Variants in ZNF454 observed in about 807,000 individuals in gnomAD.
The protein encoded by ZNF454 is zinc finger protein 454.
ZNF454 carries 30 observed loss-of-function variants against 48.2 expected under a neutral mutation model. That is an observed-to-expected ratio of 0.62 (90% CI 0.47 to 0.84). The LOEUF (loss-of-function observed/expected upper bound fraction) is 0.84. Among genes scored for constraint, ZNF454 ranks in the 40% least tolerant of loss-of-function variants. The pLI is 0.00. For missense variants in ZNF454, 510 were observed against 623.1 expected (o/e 0.82, Z 1.93); for synonymous variants, 204 against 211.4 (o/e 0.97, Z 0.30).
intron 4 of ZNF454, among the ~76,000 whole-genome samples, chr5:178,956,506 G>A (rs1581870999): frequency 8.9e-6 from 1 of 112,514 alleles, no homozygotes; most frequent in African/African-American, 3.3e-5. Context: ...ACTTTGTTTT[G>A]CTCTCCTGAA....
downstream of ZNF454, chr5:178,968,871 C>T (rs1561710821): frequency 4.4e-6 from 2 of 456,632 alleles, no homozygotes; most frequent in African/African-American, 4.0e-5. Flanking sequence ...GAGTCTCATT[C>T]ACCTCAGCCG....
At chr5:178,952,520 C>T (rs79834071) in intron 4 of ZNF454, among the ~76,000 whole-genome samples, 2,986 of 152,194 alleles carry the variant, frequency 0.02, 110 homozygotes, top group African/African-American at 0.068. Flanking sequence ...TATAGCCTAC[C>T]GTGTCTCTTT....
At chr5:178,961,983 A>ATGC (rs1353227330) in intron 4 of ZNF454, among the ~76,000 whole-genome samples, 2 of 151,372 alleles carry the variant, frequency 1.3e-5, no homozygotes, top group African/African-American at 4.8e-5. Context: ...ATTGCTTTTC[A>ATGC]TGCCTTCTTA....
At chr5:178,978,379 A>G in the ZNF454 span, 1 of 152,242 alleles carries the variant, frequency 6.6e-6, no homozygotes, top group African/African-American at 2.4e-5. Flanking sequence ...AAAGTCAGTT[A>G]CCTGGACTCT....
rs779975905 is a variant in ZNF454, at chr5:178,965,940, T to C, written c.1536T>C (p.Ile512=). 1.4e-5 allele frequency: 23 copies of C among 1,598,326 alleles called. No homozygotes were observed. The highest frequency in any genetic ancestry group is 3.4e-4 in the Middle Eastern group (2 of 5,942). ...CTTTTAACCAGACTGCAAACCTCAT[T>C]CAGCATCAGAGACATCATATTGGAG... The part of the protein sequence containing the change: ...GKAFNQTANL[I]QHQRHHIGEK Residue 512 remains isoleucine, a synonymous_variant, in exon 5 of 5, where the codon ATT becomes ATC. Transcript: ENST00000519564. This position sits in a 1 kb window ranked among gnomAD's most constrained non-coding sequence, Gnocchi z 5.2.
chr5:178,973,759 C>G, the ZNF454 span, among the ~76,000 whole-genome samples: 1 of 149,422 alleles, frequency 6.7e-6, no homozygotes, highest in South Asian at 2.1e-4. Context: ...AGGAGAATGG[C>G]CTGAACCCAG....
chr5:178,962,601 T>C (rs182811446), intron 4 of ZNF454, among the ~76,000 whole-genome samples: 2 of 151,968 alleles, frequency 1.3e-5, no homozygotes, highest in African/African-American at 4.8e-5. Context: ...TTCTTTGTTG[T>C]AATTCTCATT....
At chr5:178,954,263 G>A (rs757667737) in intron 4 of ZNF454, among the ~76,000 whole-genome samples, 4 of 151,932 alleles carry the variant, frequency 2.6e-5, no homozygotes, top group South Asian at 2.1e-4. Flanking sequence ...CAACAGCTGG[G>A]CAACAGAGTG....
Position 178,965,797 on chromosome 5 carries a change from GA to G in ZNF454, c.1398del (p.Lys466AsnfsTer18). On this transcript the variant is annotated frameshift_variant, in exon 5 of 5. Transcript: ENST00000519564. LOFTEE classifies it high-confidence loss of function. This position sits in a 1 kb window ranked among gnomAD's most constrained non-coding sequence, Gnocchi z 5.2. ...CCAACATAAGAGAATTCATACTAGG[GA>G]AAAACCTTACAAATGTAAAATCTGT... ...LTQHKRIHTR[E>X]KPYKCKICEK... is the part of the protein sequence containing the mutation. 6.2e-7 allele frequency: 1 copy of G among 1,614,080 alleles called. No individual in the cohort carries two copies. The highest frequency in any genetic ancestry group is 1.3e-5 in the African/African-American group (1 of 75,020).
the ZNF454 span, chr5:178,989,051 T>G: frequency 2.5e-6 from 4 of 1,613,970 alleles, no homozygotes; most frequent in South Asian, 4.4e-5. Context: ...GTGGAGGGCG[T>G]GGGCAATGGC....
chr5:178,987,243 C>T, the ZNF454 span: 31 of 634,258 alleles, frequency 4.9e-5, no homozygotes, highest in Admixed American at 1.5e-4. Context: ...AGGCTGCAGC[C>T]GCTGCAGAAA....
the ZNF454 span, chr5:178,983,332 G>GCATCCCCTCCATA: frequency 1.1e-6 from 1 of 933,508 alleles, no homozygotes; most frequent in Non-Finnish European, 1.7e-6. Flanking sequence ...GGCCTATGGA[G>GCATCCCCTCCATA]GGGATGCTCC....
At chr5:178,945,369 G>C (rs910769929) in intron 2 of ZNF454, among the ~76,000 whole-genome samples, 21 of 151,258 alleles carry the variant, frequency 1.4e-4, no homozygotes, top group Admixed American at 1.1e-3. Flanking sequence ...GTGTGTGTGT[G>C]TCTCTGTGTC....
chr5:178,945,180 T>C (rs945238635), intron 2 of ZNF454, among the ~76,000 whole-genome samples: 4 of 150,506 alleles, frequency 2.7e-5, no homozygotes, highest in Admixed American at 6.6e-5. Flanking sequence ...GGCTGTGTCT[T>C]TGTATGTGAG....
At chr5:178,976,009 AT>A in the ZNF454 span, 1 of 382,460 alleles carries the variant, frequency 2.6e-6, no homozygotes, top group Non-Finnish European at 5.4e-6. Context: ...CCTTCCTCAC[AT>A]TTTCTCCCCT....
the ZNF454 span, chr5:178,981,649 C>A: frequency 1.2e-6 from 2 of 1,609,946 alleles, no homozygotes; most frequent in Non-Finnish European, 1.7e-6. This position sits in a 1 kb window ranked among gnomAD's most constrained non-coding sequence, Gnocchi z 5.1. Flanking sequence ...CCGTTCCCAC[C>A]TGCCCTGCTA....
chr5:178,970,716 G>A (rs555764839), downstream of ZNF454, among the ~76,000 whole-genome samples: 13 of 152,164 alleles, frequency 8.5e-5, no homozygotes, highest in South Asian at 6.2e-4. Flanking sequence ...TGCCTCAGCC[G>A]CGTCACTATC....
In ZNF454 at chr5:178,956,519, G is replaced by GAAAAA. The variant is rs397955241; in HGVS notation, c.251-8121_251-8117dup. On this transcript the variant is annotated intron_variant, in intron 4 of 4. Coordinates refer to ENST00000519564, the MANE Select transcript of ZNF454 (RefSeq NM_001178089.3). The stretch of plus-strand genomic sequence containing the variant: ...CAACTTTGTTTTGCTCTCCTGAAAA[G>GAAAAA]AAAAAAAAAAAAAAAAAAAGCCTCA... 7.1e-5 allele frequency among the ~76,000 whole-genome samples: 8 copies of GAAAAA among 112,368 alleles called. 1 individual carries two copies. Among genetic ancestry groups the GAAAAA allele is most frequent in the Non-Finnish European group, 1.0e-4 (6 of 57,738 alleles). 73.7% of individuals were successfully genotyped at this position (112,368 alleles called of 152,430 possible). A position where few individuals can be genotyped will look rare whatever the true frequency, so the allele number is the denominator to read the frequency against.
At chr5:178,986,674 C>T in the ZNF454 span, 165 of 1,603,216 alleles carry the variant, frequency 1.0e-4, 2 homozygotes, top group Admixed American at 3.0e-4. Context: ...CATCTTCTTC[C>T]GCTCCCCCGG....
Sources: allele counts gnomAD v4.1 joint callset (sites outside exome capture counted in the v4.1 genomes callset), GRCh38; gene constraint gnomAD v4.1.1; non-coding constraint Gnocchi (gnomAD v3.1); transcripts MANE v1.5; gene names NCBI Gene and HGNC (gene_info 2026-07-23, HGNC 2026-07-21).